The following INTS7 variants were observed in gnomAD, a reference collection of about 807,000 sequenced individuals.
The protein encoded by INTS7 is integrator complex subunit 7.
A neutral mutation model predicts 109.2 loss-of-function variants in INTS7; 46 were observed. The observed-to-expected ratio is 0.42, with a 90% CI of 0.33 to 0.54. The LOEUF is 0.54. INTS7 is among the 20% of genes least tolerant of loss of function. The pLI, the probability that INTS7 is intolerant of heterozygous loss-of-function variation, is 0.07. For missense variants in INTS7, 929 were observed against 1,132.4 expected (o/e 0.82, Z 2.58); for synonymous variants, 412 against 402.9 (o/e 1.02, Z -0.27).
chr1:211,981,354 A>G (rs1241354705), intron 9 of INTS7, among the ~76,000 whole-genome samples, 164 bp from the exon 10 acceptor site: 1 of 152,072 alleles, frequency 6.6e-6, no homozygotes, highest in Non-Finnish European at 1.5e-5. Context: ...TACATGTGGC[A>G]TTACTTCTAG....
intron 7 of INTS7, among the ~76,000 whole-genome samples, chr1:211,997,194 A>AAAAAC (rs1184072293): frequency 6.6e-6 from 1 of 152,096 alleles, no homozygotes; most frequent in Non-Finnish European, 1.5e-5. Flanking sequence ...AACCTATGGA[A>AAAAAC]AAAACAAAAC....
chr1:212,020,753 T>A lies in INTS7; in HGVS notation c.224+330A>T, dbSNP rs757760541. On this transcript the variant is annotated intron_variant, in intron 2 of 19. Transcript: ENST00000366994. ...AGGTACTTCACAGACATGCATCTCATGCTATAAAATAAATTATTAAATTAA... is the reference window on the plus strand; with the variant it reads ...AGGTACTTCACAGACATGCATCTCAAGCTATAAAATAAATTATTAAATTAA... 3.9e-6 allele frequency: 4 copies of A among 1,014,296 alleles called. No homozygotes were observed. In the East Asian group the frequency reaches 3.6e-4, roughly 92 times the overall value. The allele number at this position is 1,014,296 out of a possible 1,614,324, so 62.8% of individuals were successfully genotyped here. A position where few individuals can be genotyped will look rare whatever the true frequency, so the allele number is the denominator to read the frequency against.
In INTS7 at chr1:211,954,603, C is replaced by T. The variant is rs903602261; in HGVS notation, c.2184-1902G>A. ...GTGTAAGGAAGGGATCCAGTTTCAGCTTTCTACATATGGCTAACCAGTTTT... is the reference window on the plus strand; with the variant it reads ...GTGTAAGGAAGGGATCCAGTTTCAGTTTTCTACATATGGCTAACCAGTTTT... On this transcript the variant is annotated intron_variant, in intron 16 of 19. Transcript: ENST00000366994. Among the ~76,000 whole-genome samples the T allele has an allele frequency of 1.8e-4, 27 of 152,296 alleles. 1 individual carries two copies. Among genetic ancestry groups the T allele is most frequent in the Admixed American group, 1.8e-3 (27 of 15,290 alleles).
intron 16 of INTS7, among the ~76,000 whole-genome samples, chr1:211,953,954 A>C (rs1185725210): frequency 6.6e-6 from 1 of 152,184 alleles, no homozygotes; most frequent in Non-Finnish European, 1.5e-5. Flanking sequence ...TTCTAGTTCT[A>C]GATCCCTGAG....
chr1:211,964,521 A>C (rs1034021387), intron 16 of INTS7, among the ~76,000 whole-genome samples: 2 of 152,222 alleles, frequency 1.3e-5, no homozygotes, highest in African/African-American at 2.4e-5. Flanking sequence ...AGGCAATCCT[A>C]AGCAAAAAGA....
chr1:211,946,106 GGAGA>G lies in INTS7; in HGVS notation c.2415+497_2415+500del, dbSNP rs566220631. On this transcript the variant is annotated intron_variant, in intron 18 of 19. Coordinates refer to ENST00000366994, the MANE Select transcript of INTS7 (RefSeq NM_015434.4). The surrounding 1 kb of genome is among the most constrained non-coding windows in gnomAD (Gnocchi z 4.3). Reference sequence around the variant, plus strand: ...GAATTTGGCACTGACAATTAAAAAGGGAGAGAGTTTAACTCCCAAATTCATTTCT... The same window carrying G: ...GAATTTGGCACTGACAATTAAAAAGGGAGTTTAACTCCCAAATTCATTTCT... Among the ~76,000 whole-genome samples the G allele has an allele frequency of 6.6e-6, 1 of 152,198 alleles. No homozygotes were observed. The highest frequency in any genetic ancestry group is 2.4e-5 in the African/African-American group (1 of 41,438).
intron 1 of INTS7, among the ~76,000 whole-genome samples, chr1:212,030,584 C>T (rs950598844): frequency 1.3e-5 from 2 of 152,224 alleles, no homozygotes; most frequent in East Asian, 1.9e-4. Flanking sequence ...TCACTGCGCC[C>T]GGCCTAATTC....
intron 8 of INTS7, among the ~76,000 whole-genome samples, chr1:211,985,119 T>A (rs767418537): frequency 2.0e-5 from 3 of 152,198 alleles, no homozygotes; most frequent in Non-Finnish European, 2.9e-5. Context: ...ATCATCTATG[T>A]ACAAGTTTAA....
chr1:211,954,242 G>C (rs1663251321), intron 16 of INTS7, among the ~76,000 whole-genome samples: 1 of 151,956 alleles, frequency 6.6e-6, no homozygotes, highest in Non-Finnish European at 1.5e-5. Flanking sequence ...CTTTTTGATG[G>C]GGTTGTTTTT....
At chr1:211,977,431 C>T (rs193011978) in intron 11 of INTS7, among the ~76,000 whole-genome samples, 3 of 152,194 alleles carry the variant, frequency 2.0e-5, no homozygotes, top group Non-Finnish European at 4.4e-5. Context: ...ACTTAGCTAA[C>T]TGCCTCTTAA....
At chr1:212,002,935 G>C (rs1031396605) in intron 7 of INTS7, among the ~76,000 whole-genome samples, 1 of 152,140 alleles carries the variant, frequency 6.6e-6, no homozygotes, top group African/African-American at 2.4e-5. Flanking sequence ...TAGAAATAGA[G>C]AGTAGAGACA....
chr1:212,002,781 C>T (rs1292497482), intron 7 of INTS7, among the ~76,000 whole-genome samples: 1 of 152,192 alleles, frequency 6.6e-6, no homozygotes, highest in Non-Finnish European at 1.5e-5. Context: ...CACTGTCTGA[C>T]GTCTCTGCCT....
intron 7 of INTS7, among the ~76,000 whole-genome samples, chr1:211,988,851 G>T (rs1665019692): frequency 6.6e-6 from 1 of 152,024 alleles, no homozygotes; most frequent in Admixed American, 6.6e-5. Context: ...CCCATTTCTG[G>T]CATTTACTCT....
At chr1:211,955,454 G>C (rs2102393271) in intron 16 of INTS7, among the ~76,000 whole-genome samples, 1 of 152,264 alleles carries the variant, frequency 6.6e-6, no homozygotes, top group Non-Finnish European at 1.5e-5. Context: ...GTGAGAGAGG[G>C]CATCCCTGTC....
chr1:211,992,952 T>C (rs1571883638), intron 7 of INTS7, among the ~76,000 whole-genome samples: 1 of 152,330 alleles, frequency 6.6e-6, no homozygotes. Context: ...TACATTTCCT[T>C]CTCTACTGGC....
rs140517350 is a variant in INTS7 at position 211,972,594 on chromosome 1, T to C, written c.1815+2572A>G. On this transcript the variant is annotated intron_variant, in intron 13 of 19. Coordinates refer to ENST00000366994, the MANE Select transcript of INTS7 (RefSeq NM_015434.4). ...ACCTACAACATCTTTTGAAGGTGGA[T>C]AGCACCCAAAACTTGCTTCTAACTA... Among the ~76,000 whole-genome samples, 872 of 152,322 alleles carry C rather than the reference T, an allele frequency of 5.7e-3. 6 individuals are homozygous for C. The highest frequency in any genetic ancestry group is 0.019 in the African/African-American group (807 of 41,582).
intron 1 of INTS7, chr1:212,025,474 T>C (rs1196828594): frequency 6.6e-6 from 1 of 151,372 alleles, no homozygotes; most frequent in African/African-American, 2.4e-5. Flanking sequence ...AAATCTGATA[T>C]TTAAAAAATT....
intron 4 of INTS7, chr1:212,011,743 T>C: frequency 4.5e-6 from 1 of 224,046 alleles, no homozygotes; most frequent in South Asian, 1.3e-4. Context: ...CTGACCTTTT[T>C]CACTCCTATA....
At chr1:211,956,227 T>G (rs992136133) in intron 16 of INTS7, among the ~76,000 whole-genome samples, 2 of 152,252 alleles carry the variant, frequency 1.3e-5, no homozygotes, top group Admixed American at 1.3e-4. Flanking sequence ...TGAGTATTTC[T>G]GGACTCTTAA....
Sources: gnomAD v4.1 joint callset for allele counts (sites outside exome capture counted in the v4.1 genomes callset) on GRCh38, gnomAD v4.1.1 for gene constraint, Gnocchi (gnomAD v3.1) non-coding constraint, MANE v1.5 for transcripts, NCBI Gene and HGNC (gene_info 2026-07-23, HGNC 2026-07-21) for gene names.